PRKCE: variants seen among roughly 807,000 people sequenced by gnomAD.
The protein encoded by PRKCE is protein kinase C epsilon, also known as protein kinase C epsilon type.
PRKCE carries 16 observed loss-of-function variants against 85.4 expected under a neutral mutation model. The observed-to-expected ratio is 0.19, with a 90% CI of 0.13 to 0.28. The LOEUF is 0.28. Ranked by LOEUF, PRKCE falls within the 10% of genes least tolerant of loss-of-function variation. The probability of loss-of-function intolerance (pLI) is 1.00; values close to 1 mark genes in which losing one functional copy is unlikely to be tolerated. For missense variants in PRKCE, 573 were observed against 975.2 expected, an observed-to-expected ratio of 0.59 and a Z score of 5.49; for synonymous variants, 388 against 371.5, an observed-to-expected ratio of 1.04 and a Z score of -0.51.
At chr2:45,859,954 T>C (rs1026825338) in intron 2 of PRKCE, among the ~76,000 whole-genome samples, 2 of 152,212 alleles carry the variant, frequency 1.3e-5, no homozygotes, top group Non-Finnish European at 2.9e-5. Context: ...AGTCTAGTTT[T>C]CTTTCTATCG....
At chr2:46,088,401 C>T (rs1057435809) in intron 11 of PRKCE, among the ~76,000 whole-genome samples, 6 of 152,166 alleles carry the variant, frequency 3.9e-5, no homozygotes, top group African/African-American at 1.2e-4. Flanking sequence ...TGAGTCCCTC[C>T]GTCCCTCACA....
At chr2:45,896,527 T>C (rs1573789490) in intron 2 of PRKCE, among the ~76,000 whole-genome samples, 1 of 152,366 alleles carries the variant, frequency 6.6e-6, no homozygotes, top group East Asian at 1.9e-4. Flanking sequence ...TTCTGACTTT[T>C]ATATACTAGG....
intron 2 of PRKCE, among the ~76,000 whole-genome samples, chr2:45,932,719 C>G (rs1216190515): frequency 2.0e-5 from 3 of 152,134 alleles, no homozygotes; most frequent in Non-Finnish European, 4.4e-5. Context: ...CAACCATGAC[C>G]ACTATCCATC....
chr2:46,178,796 C>G (rs1679687317), intron 14 of PRKCE, among the ~76,000 whole-genome samples: 1 of 152,058 alleles, frequency 6.6e-6, no homozygotes, highest in African/African-American at 2.4e-5. Context: ...TGCTGTGTGC[C>G]CTGCCTTGCA....
chr2:46,013,506 G>T (rs1456059963), intron 10 of PRKCE, among the ~76,000 whole-genome samples: 1 of 152,172 alleles, frequency 6.6e-6, no homozygotes, highest in Non-Finnish European at 1.5e-5. Flanking sequence ...AGGTAGAGAG[G>T]ATTTGGACAG....
intron 1 of PRKCE, among the ~76,000 whole-genome samples, chr2:45,718,084 C>G (rs145587380): frequency 6.6e-6 from 1 of 152,216 alleles, no homozygotes; most frequent in Non-Finnish European, 1.5e-5. Context: ...GCACTCAGCA[C>G]TATTGACATT....
intron 11 of PRKCE, among the ~76,000 whole-genome samples, chr2:46,091,257 T>C (rs553589530): frequency 6.6e-6 from 1 of 152,192 alleles, no homozygotes; most frequent in Non-Finnish European, 1.5e-5. Flanking sequence ...GCCCTCCCCA[T>C]ACACTTGTAG....
intron 10 of PRKCE, among the ~76,000 whole-genome samples, chr2:46,037,648 C>T (rs1353414934): frequency 6.6e-6 from 1 of 152,168 alleles, no homozygotes; most frequent in East Asian, 1.9e-4. Context: ...AAGAAAACAA[C>T]CGCAACTCCC....
At chr2:45,756,571 T>C (rs1335746384) in intron 1 of PRKCE, among the ~76,000 whole-genome samples, 1 of 152,190 alleles carries the variant, frequency 6.6e-6, no homozygotes, top group Non-Finnish European at 1.5e-5. Flanking sequence ...GTAATAGTCT[T>C]AAACTGGAAA....
chr2:45,779,423 ACTTGCTGAT>A (rs1686008626), intron 1 of PRKCE, among the ~76,000 whole-genome samples: 1 of 152,054 alleles, frequency 6.6e-6, no homozygotes, highest in Non-Finnish European at 1.5e-5. Flanking sequence ...GCGAGGAAAG[ACTTGCTGAT>A]CTTGGGCTGT....
At chr2:45,842,058 C>T (rs1482270535) in intron 1 of PRKCE, among the ~76,000 whole-genome samples, 2 of 103,930 alleles carry the variant, frequency 1.9e-5, no homozygotes, top group African/African-American at 3.8e-5. Flanking sequence ...CCAGGGTTTC[C>T]AGAGTTACTA....
intron 1 of PRKCE, among the ~76,000 whole-genome samples, chr2:45,668,801 G>A (rs553060791): frequency 2.3e-4 from 35 of 152,128 alleles, no homozygotes; most frequent in African/African-American, 7.5e-4. Context: ...ATATGCATCC[G>A]AAAAGAAAAA....
chr2:45,972,575 C>T (rs1702179072), intron 2 of PRKCE, among the ~76,000 whole-genome samples: 1 of 152,154 alleles, frequency 6.6e-6, no homozygotes, highest in African/African-American at 2.4e-5. Flanking sequence ...ATGTTTTCTT[C>T]TAGGAGCTTT....
rs963957536 is a variant in PRKCE at position 45,774,540 on chromosome 2, T to A, written c.349-68460T>A. On this transcript the variant is annotated intron_variant, in intron 1 of 14. Coordinates refer to ENST00000306156, the MANE Select transcript of PRKCE (RefSeq NM_005400.3). The surrounding 1 kb of genome is among the most constrained non-coding windows in gnomAD (Gnocchi z 4.3). The stretch of plus-strand genomic sequence containing the variant: ...CTTTCCATCATGCCAAAGCACCCCA[T>A]GCCTTGGGGAAAGCTGAATGCCAGG... 2.6e-5 allele frequency among the ~76,000 whole-genome samples: 4 copies of A among 152,148 alleles called. No individual in the cohort carries two copies. Among genetic ancestry groups the A allele is most frequent in the African/African-American group, 9.7e-5 (4 of 41,436 alleles).
chr2:45,714,729 T>G (rs762104315), intron 1 of PRKCE, among the ~76,000 whole-genome samples: 3 of 152,146 alleles, frequency 2.0e-5, no homozygotes, highest in Non-Finnish European at 4.4e-5. Flanking sequence ...GAGGTGTAAC[T>G]CACTGGGTGT....
At chr2:45,783,533 A>C (rs772172483) in intron 1 of PRKCE, among the ~76,000 whole-genome samples, 3 of 152,158 alleles carry the variant, frequency 2.0e-5, no homozygotes, top group Non-Finnish European at 2.9e-5. Context: ...TTGGGAATCT[A>C]CTTCTATCTG....
chr2:45,960,735 C>T (rs993518003), intron 2 of PRKCE, among the ~76,000 whole-genome samples: 7 of 152,178 alleles, frequency 4.6e-5, no homozygotes, highest in Admixed American at 3.3e-4. Flanking sequence ...TCTAACATCC[C>T]GTTTTCAGTG....
intron 2 of PRKCE, among the ~76,000 whole-genome samples, chr2:45,940,986 AG>A (rs1249842606): frequency 6.9e-6 from 1 of 144,828 alleles, no homozygotes; most frequent in Non-Finnish European, 1.5e-5. Flanking sequence ...GACTCGCTTG[AG>A]CCTGGGAGGT....
chr2:45,789,508 T>C (rs1558673506), intron 1 of PRKCE, among the ~76,000 whole-genome samples: 1 of 152,214 alleles, frequency 6.6e-6, no homozygotes, highest in Non-Finnish European at 1.5e-5. Context: ...CTCCTGCCTG[T>C]GGTCCTAGCT....
Sources: gnomAD v4.1 joint callset for allele counts (sites outside exome capture counted in the v4.1 genomes callset) on GRCh38, gnomAD v4.1.1 for gene constraint, Gnocchi (gnomAD v3.1) non-coding constraint, MANE v1.5 for transcripts, NCBI Gene and HGNC (gene_info 2026-07-23, HGNC 2026-07-21) for gene names.